CWH43: variants seen among roughly 807,000 people sequenced by gnomAD.
The protein encoded by CWH43 is cell wall biogenesis 43 C-terminal homolog.
Under a neutral mutation model 85.7 loss-of-function variants are expected in CWH43, and 91 were observed. That is an observed-to-expected ratio of 1.06 (90% CI 0.90 to 1.26). The LOEUF is 1.26. Among genes scored for constraint, CWH43 ranks in the 50% most tolerant of loss-of-function variants. CWH43 has a pLI of 0.00. For synonymous variants in CWH43, 323 were observed against 293.6 expected (o/e 1.10, Z -1.02); for missense variants, 869 against 839.2 (o/e 1.04, Z -0.44).
Position 48,986,299 on chromosome 4 carries a change from C to T in CWH43, c.-131C>T. 5 of 882,342 alleles carry T rather than the reference C, an allele frequency of 5.7e-6. No homozygotes were observed. Among genetic ancestry groups the T allele is most frequent in the Non-Finnish European group, 6.7e-6 (4 of 593,752 alleles). The allele number at this position is 882,342 out of a possible 1,614,324, so 54.7% of individuals were successfully genotyped here. On this transcript the variant is annotated 5_prime_UTR_variant, in exon 1 of 16. The change creates a new upstream start codon in the 5' untranslated region. Transcript: ENST00000226432. ...CAGTTGGCTGGGGCTCACTTGGCAA[C>T]GGGACGCGGGAACGAGGGGCGCGGA...
chr4:48,991,581 T>C lies in CWH43; in HGVS notation c.356+7T>C, dbSNP rs1310671693. On this transcript the variant is annotated splice_region_variant and intron_variant, in intron 3 of 15. Transcript: ENST00000226432. ...CAGGAAGTCATTTGCAAAGGTATGG[T>C]TAATGTTTCATGTACTTATAGACAA... 3 of 1,613,802 alleles carry C rather than the reference T, an allele frequency of 1.9e-6. No homozygotes were observed. Among genetic ancestry groups the C allele is most frequent in the East Asian group, 2.2e-5 (1 of 44,864 alleles).
intron 5 of CWH43, among the ~76,000 whole-genome samples, chr4:48,998,047 T>G (rs1782868772): frequency 6.6e-6 from 1 of 152,192 alleles, no homozygotes; most frequent in Non-Finnish European, 1.5e-5. Context: ...CTGACGCTGG[T>G]CTTGGGAAGG....
chr4:49,016,327 CA>C (rs1783544733), intron 8 of CWH43, among the ~76,000 whole-genome samples: 1 of 152,132 alleles, frequency 6.6e-6, no homozygotes, highest in African/African-American at 2.4e-5. Flanking sequence ...GCATACAGAG[CA>C]CACACAGGAG....
At chr4:49,034,926 A>C (rs1784221831) in intron 12 of CWH43, among the ~76,000 whole-genome samples, 1 of 152,202 alleles carries the variant, frequency 6.6e-6, no homozygotes, top group Admixed American at 6.5e-5. Context: ...AATATAAGGT[A>C]TATTGGGCAG....
chr4:49,014,706 T>G (rs1207525961), intron 8 of CWH43, among the ~76,000 whole-genome samples: 1 of 152,082 alleles, frequency 6.6e-6, no homozygotes, highest in Non-Finnish European at 1.5e-5. Context: ...TTTTGTGTGA[T>G]TAAAAAAAGA....
intron 13 of CWH43, among the ~76,000 whole-genome samples, chr4:49,041,655 A>C (rs1784466249): frequency 6.6e-6 from 1 of 152,042 alleles, no homozygotes; most frequent in Non-Finnish European, 1.5e-5. Context: ...CTTTATGTAA[A>C]AGTGTGGGCA....
At chr4:49,013,642 G>A (rs1190456929) in intron 8 of CWH43, among the ~76,000 whole-genome samples, 1 of 148,734 alleles carries the variant, frequency 6.7e-6, no homozygotes, top group African/African-American at 2.5e-5. Flanking sequence ...TTTTTTTTTT[G>A]TACTTTAAAG....
intron 2 of CWH43, among the ~76,000 whole-genome samples, chr4:48,989,992 G>T (rs116558032): frequency 6.6e-6 from 1 of 152,110 alleles, no homozygotes; most frequent in East Asian, 1.9e-4. Flanking sequence ...TCACACTTCA[G>T]GTTGATTTTA....
intron 6 of CWH43, among the ~76,000 whole-genome samples, chr4:49,003,136 A>G (rs545865211): frequency 5.0e-4 from 76 of 152,340 alleles, no homozygotes; most frequent in African/African-American, 1.8e-3. Context: ...TGGATCAGGC[A>G]GAATGCATAG....
At chr4:49,012,772 C>T (rs1783405784) in intron 8 of CWH43, among the ~76,000 whole-genome samples, 1 of 152,174 alleles carries the variant, frequency 6.6e-6, no homozygotes, top group Non-Finnish European at 1.5e-5. Context: ...AGGTCCACTC[C>T]AGACGTTTGC....
chr4:49,034,870 T>C (rs1784219116), intron 12 of CWH43, among the ~76,000 whole-genome samples: 1 of 152,230 alleles, frequency 6.6e-6, no homozygotes, highest in Non-Finnish European at 1.5e-5. Flanking sequence ...ATGTAGTAAG[T>C]GCTCAATTAA....
intron 8 of CWH43, among the ~76,000 whole-genome samples, chr4:49,008,620 A>G (rs1481259571): frequency 1.3e-5 from 2 of 152,208 alleles, no homozygotes; most frequent in African/African-American, 2.4e-5. Context: ...CTAATATTTA[A>G]GTCTTTAATC....
chr4:49,056,250 AT>A (rs1443634827), intron 15 of CWH43, among the ~76,000 whole-genome samples: 1 of 151,718 alleles, frequency 6.6e-6, no homozygotes, highest in Non-Finnish European at 1.5e-5. Context: ...TGAACTCATC[AT>A]TTTTCTTTAG....
chr4:49,036,282 C>T (rs1784260199), intron 12 of CWH43, among the ~76,000 whole-genome samples: 1 of 152,126 alleles, frequency 6.6e-6, no homozygotes, highest in Non-Finnish European at 1.5e-5. Flanking sequence ...AGGGGTCAGC[C>T]TCTCAGGGCA....
chr4:48,996,974 C>T (rs562231179), intron 5 of CWH43, among the ~76,000 whole-genome samples: 2 of 152,352 alleles, frequency 1.3e-5, no homozygotes, highest in South Asian at 4.1e-4. Flanking sequence ...AATGCTTCTA[C>T]ATCAAATAGG....
intron 2 of CWH43, among the ~76,000 whole-genome samples, chr4:48,989,862 T>G (rs1782604178): frequency 6.6e-6 from 1 of 152,220 alleles, no homozygotes; most frequent in South Asian, 2.1e-4. Context: ...GCTCCAGAAA[T>G]AACAAATGAA....
intron 15 of CWH43, among the ~76,000 whole-genome samples, chr4:49,053,076 T>C (rs1784847380): frequency 1.3e-5 from 2 of 152,238 alleles, no homozygotes; most frequent in Admixed American, 1.3e-4. Flanking sequence ...CTTAGCATGA[T>C]GTCCTCTAGG....
At chr4:48,986,493 G>C in intron 1 of CWH43, 21 bp downstream of exon 1, 1 of 1,551,712 alleles carries the variant, frequency 6.4e-7, no homozygotes, top group Non-Finnish European at 8.7e-7. Context: ...GCCCCTCGCC[G>C]CGAGTTCGCG....
chr4:49,059,153 CT>C (rs1460986348), intron 15 of CWH43, among the ~76,000 whole-genome samples: 1 of 151,974 alleles, frequency 6.6e-6, no homozygotes, highest in African/African-American at 2.4e-5. Context: ...CTTTTTCATT[CT>C]TTTTTCTATG....
Sources: gnomAD v4.1 joint callset for allele counts (sites outside exome capture counted in the v4.1 genomes callset) on GRCh38, gnomAD v4.1.1 for gene constraint, MANE v1.5 for transcripts, NCBI Gene and HGNC (gene_info 2026-07-23, HGNC 2026-07-21) for gene names.